Variants in DPP10 observed in about 807,000 individuals in gnomAD.
DPP10 encodes the protein inactive dipeptidyl peptidase 10.
DPP10 carries 33 observed loss-of-function variants against 120.9 expected under a neutral mutation model. The ratio of observed to expected loss-of-function variants is 0.27; its 90% confidence interval spans 0.21 to 0.37. The LOEUF (loss-of-function observed/expected upper bound fraction) is 0.37. Ranked by LOEUF, DPP10 falls within the 10% of genes least tolerant of loss-of-function variation. DPP10 has a pLI of 1.00. For synonymous variants in DPP10, 337 were observed against 326.1 expected (o/e 1.03, Z -0.36); for missense variants, 816 against 942.8 (o/e 0.87, Z 1.76).
chr2:115,060,291 G>T (rs542851203), intron 1 of DPP10, among the ~76,000 whole-genome samples: 70 of 151,780 alleles, frequency 4.6e-4, no homozygotes, highest in African/African-American at 1.5e-3. Context: ...AGGATAGGTA[G>T]ATTTATCGAT....
chr2:115,241,964 C>A (rs1013355115), intron 1 of DPP10, among the ~76,000 whole-genome samples: 1 of 152,074 alleles, frequency 6.6e-6, no homozygotes, highest in Non-Finnish European at 1.5e-5. Context: ...TGGAAGTGGA[C>A]ATGAATCATT....
At chr2:115,601,821 G>A (rs1274016023) in intron 5 of DPP10, among the ~76,000 whole-genome samples, 5 of 148,838 alleles carry the variant, frequency 3.4e-5, no homozygotes, top group African/African-American at 5.0e-5. Flanking sequence ...TTGCAGGTAC[G>A]CACAACCATG....
At chr2:114,897,845 A>C (rs531779460) in intron 1 of DPP10, among the ~76,000 whole-genome samples, 1 of 151,990 alleles carries the variant, frequency 6.6e-6, no homozygotes. Flanking sequence ...AAGTCAGGAA[A>C]CAACAGGTGC....
At chr2:114,576,836 G>A (rs1690089342) in intron 1 of DPP10, among the ~76,000 whole-genome samples, 1 of 151,666 alleles carries the variant, frequency 6.6e-6, no homozygotes, top group Non-Finnish European at 1.5e-5. Flanking sequence ...GTCATCCTGT[G>A]TAGAAATTCT....
chr2:114,920,631 AT>A (rs1005177438), intron 1 of DPP10, among the ~76,000 whole-genome samples: 27 of 151,930 alleles, frequency 1.8e-4, no homozygotes, highest in East Asian at 7.7e-4. Context: ...ACACATTGTA[AT>A]TTTTTTTTCT....
intron 1 of DPP10, among the ~76,000 whole-genome samples, chr2:114,923,133 G>T (rs1695323076): frequency 6.6e-6 from 1 of 151,432 alleles, no homozygotes; most frequent in Non-Finnish European, 1.5e-5. Context: ...ATACAAGTCT[G>T]TCATCAGATA....
At chr2:115,356,469 T>A (rs2064394310) in intron 3 of DPP10, among the ~76,000 whole-genome samples, 1 of 151,918 alleles carries the variant, frequency 6.6e-6, no homozygotes, top group East Asian at 1.9e-4. Context: ...GATGATGGAG[T>A]TTTCTAAATG....
chr2:115,610,421 G>A (rs1311767177), intron 5 of DPP10, among the ~76,000 whole-genome samples: 1 of 151,912 alleles, frequency 6.6e-6, no homozygotes, highest in Non-Finnish European at 1.5e-5. Context: ...GACTTCATGT[G>A]GGTAACTTAC....
chr2:115,068,133 G>T (rs1014885272), intron 1 of DPP10, among the ~76,000 whole-genome samples: 3 of 151,686 alleles, frequency 2.0e-5, no homozygotes, highest in African/African-American at 7.3e-5. Context: ...AATTTTTTAA[G>T]AACCTCCATA....
chr2:115,445,514 C>T (rs999353910), intron 3 of DPP10, among the ~76,000 whole-genome samples: 6 of 152,124 alleles, frequency 3.9e-5, no homozygotes, highest in Non-Finnish European at 7.4e-5. Context: ...AGATGAGGAA[C>T]CTATTGAGAA....
At chr2:115,782,096 A>C (rs1682832761) in intron 16 of DPP10, among the ~76,000 whole-genome samples, 1 of 152,012 alleles carries the variant, frequency 6.6e-6, no homozygotes, top group Non-Finnish European at 1.5e-5. Context: ...GGCTAAAAAC[A>C]TAGAAATATA....
chr2:115,425,737 T>C (rs1349849177), intron 3 of DPP10, among the ~76,000 whole-genome samples: 1 of 152,172 alleles, frequency 6.6e-6, no homozygotes, highest in Non-Finnish European at 1.5e-5. Flanking sequence ...AAGAAATACC[T>C]GAGACTGGGA....
At chr2:115,612,818 A>G (rs960743817) in intron 5 of DPP10, among the ~76,000 whole-genome samples, 7 of 152,044 alleles carry the variant, frequency 4.6e-5, no homozygotes, top group Non-Finnish European at 1.0e-4. Context: ...AGAGAGTGGT[A>G]TATTTAGCTC....
intron 21 of DPP10, among the ~76,000 whole-genome samples, chr2:115,821,926 T>C (rs1035098136): frequency 6.6e-6 from 1 of 152,032 alleles, no homozygotes; most frequent in Non-Finnish European, 1.5e-5. Context: ...ATTCCATGTT[T>C]ACCTGTATAA....
At chr2:115,225,460 G>A (rs951204036) in intron 1 of DPP10, among the ~76,000 whole-genome samples, 1 of 151,088 alleles carries the variant, frequency 6.6e-6, no homozygotes, top group Non-Finnish European at 1.5e-5. Context: ...TGAGTGCTTC[G>A]AAACACTTAT....
chr2:115,079,791 T>A (rs1224042460), intron 1 of DPP10, among the ~76,000 whole-genome samples: 1 of 152,188 alleles, frequency 6.6e-6, no homozygotes, highest in African/African-American at 2.4e-5. Context: ...TGCAGCTTGA[T>A]GAACAGATAG....
At chr2:115,011,890 C>G (rs1010085280) in intron 1 of DPP10, among the ~76,000 whole-genome samples, 1 of 151,964 alleles carries the variant, frequency 6.6e-6, no homozygotes. Flanking sequence ...GGGGCCAATT[C>G]TCAGCCCTGC....
intron 1 of DPP10, among the ~76,000 whole-genome samples, chr2:115,156,196 C>T (rs569381251): frequency 3.3e-5 from 5 of 152,190 alleles, no homozygotes; most frequent in Admixed American, 3.3e-4. Flanking sequence ...TTTGCCTCCC[C>T]TGATATCCCG....
intron 1 of DPP10, among the ~76,000 whole-genome samples, chr2:114,868,465 T>C (rs1290187430): frequency 6.6e-6 from 1 of 152,152 alleles, no homozygotes; most frequent in African/African-American, 2.4e-5. Flanking sequence ...TATTTCCCCA[T>C]TTCACCACGT....
Sources: allele counts gnomAD v4.1 joint callset (sites outside exome capture counted in the v4.1 genomes callset), GRCh38; gene constraint gnomAD v4.1.1; transcripts MANE v1.5; gene names NCBI Gene and HGNC (gene_info 2026-07-23, HGNC 2026-07-21).